KLHL32: variants seen among roughly 807,000 people sequenced by gnomAD.
KLHL32 encodes kelch like family member 32, also known as kelch-like protein 32.
A neutral mutation model predicts 64.8 loss-of-function variants in KLHL32; 35 were observed. The ratio of observed to expected loss-of-function variants is 0.54; its 90% CI spans 0.41 to 0.72. KLHL32 has a LOEUF of 0.72. Among genes scored for constraint, KLHL32 ranks in the 30% least tolerant of loss-of-function variants. The pLI, the probability that KLHL32 is intolerant of heterozygous loss-of-function variation, is 0.00. For missense variants in KLHL32, 589 were observed against 768.5 expected (o/e 0.77, Z 2.76); for synonymous variants, 259 against 281.0 (o/e 0.92, Z 0.78).
the KLHL32 span, among the ~76,000 whole-genome samples, chr6:96,918,270 T>C: frequency 6.6e-6 from 1 of 152,180 alleles, no homozygotes; most frequent in Non-Finnish European, 1.5e-5. Flanking sequence ...TGAGAGAACT[T>C]GAAATAAAAT....
chr6:96,949,122 G>T (rs963717585), intron 1 of KLHL32, among the ~76,000 whole-genome samples: 1 of 152,240 alleles, frequency 6.6e-6, no homozygotes, highest in African/African-American at 2.4e-5. Flanking sequence ...GTGTTTTCTT[G>T]TTTGTCTATT....
intron 3 of KLHL32, among the ~76,000 whole-genome samples, chr6:96,991,606 T>G (rs973314232): frequency 6.6e-6 from 1 of 151,732 alleles, no homozygotes; most frequent in Non-Finnish European, 1.5e-5. Context: ...CATTGAGGGG[T>G]AGCAGGGTGG....
rs145461036 is a variant in KLHL32 at position 97,139,152 on chromosome 6, A to T, written c.1733A>T (p.Glu578Val). 64 of 1,613,974 alleles carry T rather than the reference A, an allele frequency of 4.0e-5. No homozygotes were observed. In the African/African-American group the frequency reaches 4.7e-4, roughly 12 times the overall value. ...VLDVSREGKE[E>V]VFYGPTLPFA... ...GATGTAAGCAGAGAAGGCAAAGAAG[A>T]AGTATTCTATGGGCCTACACTCCCT... Residue 578 changes from glutamate (E) to valine (V), a missense_variant, in exon 11 of 11, where the codon GAA becomes GTA. By Grantham distance (121) the Glu-to-Val change is moderately radical. Transcript: ENST00000369261.
the KLHL32 span, among the ~76,000 whole-genome samples, chr6:96,911,622 T>C: frequency 2.6e-5 from 4 of 152,086 alleles, no homozygotes; most frequent in African/African-American, 9.7e-5. Context: ...TCCCATTTAC[T>C]CCTCACCCCA....
chr6:96,962,008 G>A (rs1773934729), intron 1 of KLHL32, among the ~76,000 whole-genome samples: 1 of 152,192 alleles, frequency 6.6e-6, no homozygotes, highest in African/African-American at 2.4e-5. Context: ...AAGGTAACTA[G>A]TGGGAGTTTA....
At chr6:97,105,323 T>C (rs1448918461) in intron 6 of KLHL32, 1 of 401,474 alleles carries the variant, frequency 2.5e-6, no homozygotes, top group Middle Eastern at 8.3e-4. Context: ...CACGCTTTCC[T>C]GGCTTCCTAC....
At chr6:97,035,748 G>A (rs555891935) in intron 3 of KLHL32, among the ~76,000 whole-genome samples, 2 of 151,892 alleles carry the variant, frequency 1.3e-5, no homozygotes, top group Non-Finnish European at 2.9e-5. Context: ...CTTTTCTTTT[G>A]CTTCTTTCAA....
chr6:97,030,652 G>T (rs1316011504), intron 3 of KLHL32, among the ~76,000 whole-genome samples: 1 of 152,216 alleles, frequency 6.6e-6, no homozygotes, highest in Non-Finnish European at 1.5e-5. Flanking sequence ...TGCTTTGGCA[G>T]AATGTTGTGA....
chr6:96,995,580 CT>C, intron 3 of KLHL32, among the ~76,000 whole-genome samples: 2 of 152,300 alleles, frequency 1.3e-5, no homozygotes, highest in Middle Eastern at 6.8e-3. Context: ...GTTCCCTTGT[CT>C]GTTTATCCAG....
chr6:97,062,109 G>A (rs1030535963), intron 4 of KLHL32, among the ~76,000 whole-genome samples: 1 of 152,200 alleles, frequency 6.6e-6, no homozygotes, highest in Non-Finnish European at 1.5e-5. Context: ...AACAATCGCC[G>A]TATGGGTTTT....
At chr6:96,980,856 C>T (rs1228628180) in intron 3 of KLHL32, among the ~76,000 whole-genome samples, 2 of 152,072 alleles carry the variant, frequency 1.3e-5, no homozygotes, top group Non-Finnish European at 2.9e-5. Context: ...ATACCTGAGA[C>T]TGGGTAATTT....
chr6:97,129,465 G>C (rs574374820), intron 8 of KLHL32, among the ~76,000 whole-genome samples: 7 of 152,062 alleles, frequency 4.6e-5, no homozygotes, highest in Non-Finnish European at 1.0e-4. Context: ...GTCATATTTG[G>C]TCTTCATTTA....
At chr6:97,096,234 G>A (rs1329490235) in intron 6 of KLHL32, among the ~76,000 whole-genome samples, 1 of 152,156 alleles carries the variant, frequency 6.6e-6, no homozygotes, top group Non-Finnish European at 1.5e-5. Flanking sequence ...CCTGTCCTCT[G>A]TCACTTACAC....
intron 6 of KLHL32, among the ~76,000 whole-genome samples, chr6:97,094,167 G>A (rs1045532014): frequency 2.6e-5 from 4 of 152,166 alleles, no homozygotes; most frequent in African/African-American, 7.2e-5. Flanking sequence ...GACCCTGTGA[G>A]TCCTTTTTCT....
At chr6:97,000,719 T>C (rs1161354040) in intron 3 of KLHL32, among the ~76,000 whole-genome samples, 2 of 152,224 alleles carry the variant, frequency 1.3e-5, no homozygotes, top group Admixed American at 1.3e-4. Context: ...TTAATTTTTA[T>C]TCTAATTACT....
intron 3 of KLHL32, among the ~76,000 whole-genome samples, chr6:96,977,670 C>T (rs1402442274): frequency 6.6e-6 from 1 of 152,102 alleles, no homozygotes; most frequent in African/African-American, 2.4e-5. Context: ...TCTAATAATA[C>T]TGTTGGTTTT....
chr6:96,907,123 G>A, the KLHL32 span, among the ~76,000 whole-genome samples: 10 of 152,250 alleles, frequency 6.6e-5, no homozygotes, highest in East Asian at 1.7e-3. Context: ...TTGTTATTTA[G>A]CAATGCAGCT....
In KLHL32 at chr6:97,041,553, C is replaced by A. The variant is rs778040034; in HGVS notation, c.266C>A (p.Thr89Asn). 6.2e-7 allele frequency: 1 copy of A among 1,613,680 alleles called. No homozygotes were observed. Among genetic ancestry groups the A allele is most frequent in the East Asian group, 2.2e-5 (1 of 44,878 alleles). The change falls in exon 4 of 11, where the codon ACC (threonine) becomes AAC (asparagine). Residue 89 changes from threonine (T) to asparagine (N), a missense_variant. Thr to Asn is a moderately conservative substitution (Grantham distance 65). This residue lies in a region of KLHL32 where 191 missense variants were observed against 223.3 expected (regional missense o/e 0.86). Coordinates refer to ENST00000369261, the MANE Select transcript of KLHL32 (RefSeq NM_052904.4). ...GADEVNLHGV[T>N]SLGLKQALEF... ...GATGAGGTTAATTTGCACGGTGTGACCAGCCTTGGCTTAAAGCAGGCTCTG... is the reference window on the plus strand; with the variant it reads ...GATGAGGTTAATTTGCACGGTGTGAACAGCCTTGGCTTAAAGCAGGCTCTG...
At chr6:96,938,971 C>G (rs55953260) in intron 1 of KLHL32, among the ~76,000 whole-genome samples, 10,241 of 152,234 alleles carry the variant, frequency 0.067, 425 homozygotes, top group Middle Eastern at 0.15. Flanking sequence ...GACAGCAGGC[C>G]TTTCTTCCCA....
Sources: gnomAD v4.1 joint callset for allele counts (sites outside exome capture counted in the v4.1 genomes callset) on GRCh38, gnomAD v4.1.1 for gene constraint, gnomAD v4.1.1 regional missense constraint, MANE v1.5 for transcripts, NCBI Gene and HGNC (gene_info 2026-07-23, HGNC 2026-07-21) for gene names.